Variants in EPG5 observed in about 807,000 individuals in gnomAD.
The protein encoded by EPG5 is ectopic P granules protein 5 homolog.
In EPG5, 159 loss-of-function variants were observed where a neutral mutation model predicts 302.7. The observed-to-expected ratio is 0.53, with a 90% CI of 0.46 to 0.60. The LOEUF is 0.60. Among genes scored for constraint, EPG5 ranks in the 20% least tolerant of loss-of-function variants. The pLI is 0.00. For synonymous variants in EPG5, 1,158 were observed against 1,136.8 expected, an observed-to-expected ratio of 1.02 and a Z score of -0.37; for missense variants, 2,896 against 3,092.4, an observed-to-expected ratio of 0.94 and a Z score of 1.51.
intron 41 of EPG5, among the ~76,000 whole-genome samples, 176 bp from the exon 42 acceptor site, chr18:45,858,244 C>G (rs533384238): frequency 1.3e-5 from 2 of 152,186 alleles, no homozygotes; most frequent in African/African-American, 2.4e-5. Flanking sequence ...TGTGGAACAC[C>G]TACTACACGC....
chr18:45,842,170 A>G, the EPG5 span: 1 of 1,614,166 alleles, frequency 6.2e-7, no homozygotes, highest in East Asian at 2.2e-5. Context: ...CCCACCAGCC[A>G]CCATGTGCTC....
intron 16 of EPG5, among the ~76,000 whole-genome samples, chr18:45,918,666 T>TC (rs1274834663): frequency 6.6e-6 from 1 of 152,124 alleles, no homozygotes; most frequent in Non-Finnish European, 1.5e-5. Context: ...TTTAGAAAAA[T>TC]CCTTTCAATT....
chr18:45,944,861 T>C (rs2050752590), intron 7 of EPG5, among the ~76,000 whole-genome samples: 1 of 152,218 alleles, frequency 6.6e-6, no homozygotes, highest in African/African-American at 2.4e-5. Context: ...GACGAAGCAA[T>C]TGACATTTGC....
intron 2 of EPG5, chr18:45,953,676 C>A (rs1479832341): frequency 1.0e-6 from 1 of 985,214 alleles, no homozygotes; most frequent in African/African-American, 1.7e-5. Context: ...GACGTCTCCC[C>A]CTTCCTTTGG....
chr18:45,871,860 G>A (rs1220639427), intron 35 of EPG5, among the ~76,000 whole-genome samples: 1 of 152,074 alleles, frequency 6.6e-6, no homozygotes, highest in African/African-American at 2.4e-5. Context: ...TAGGTTTCAG[G>A]ATCTATTGTA....
chr18:45,853,134 G>A (rs1478622177), intron 43 of EPG5, among the ~76,000 whole-genome samples: 1 of 152,212 alleles, frequency 6.6e-6, no homozygotes, highest in African/African-American at 2.4e-5. Context: ...CTGCTGTTGG[G>A]TATGTTCCTA....
intron 5 of EPG5, among the ~76,000 whole-genome samples, 160 bp from the exon 6 acceptor site, chr18:45,948,736 T>C (rs2050841428): frequency 6.6e-6 from 1 of 152,202 alleles, no homozygotes; most frequent in Admixed American, 6.6e-5. Flanking sequence ...GGTTACCTGG[T>C]GGCACTGAGT....
intron 1 of EPG5, among the ~76,000 whole-genome samples, chr18:45,961,516 T>C (rs961422189): frequency 6.6e-6 from 1 of 152,104 alleles, no homozygotes; most frequent in Non-Finnish European, 1.5e-5. Context: ...AATATCCACA[T>C]AGTGAACTCT....
At chr18:45,889,457 GCACTATATCATCT>G (rs1221764933) in intron 28 of EPG5, among the ~76,000 whole-genome samples, 1 of 152,150 alleles carries the variant, frequency 6.6e-6, no homozygotes, top group Non-Finnish European at 1.5e-5. Flanking sequence ...GAATTTCAAT[GCACTATATCATCT>G]CACAATTCAG....
At chr18:45,880,502 C>T (rs1303382330) in intron 31 of EPG5, among the ~76,000 whole-genome samples, 2 of 152,140 alleles carry the variant, frequency 1.3e-5, no homozygotes, top group Non-Finnish European at 2.9e-5. Context: ...AGACCTGACC[C>T]TCCGACCCTG....
chr18:45,876,107 C>T (rs2145363219), intron 35 of EPG5, 129 bp downstream of exon 35: 1 of 623,924 alleles, frequency 1.6e-6, no homozygotes, highest in Admixed American at 2.9e-5. Context: ...ATAATTGTAT[C>T]AGCGACTTTT....
the EPG5 span, chr18:45,838,930 T>G: frequency 6.2e-7 from 1 of 1,604,490 alleles, no homozygotes; most frequent in Non-Finnish European, 8.5e-7. Context: ...CCGCTACACG[T>G]GTACGGCCGC....
At chr18:45,890,248 G>T in intron 27 of EPG5, 1 of 207,092 alleles carries the variant, frequency 4.8e-6, no homozygotes, top group Non-Finnish European at 9.7e-6. Context: ...CTCCCCAGCC[G>T]TAGCCCTTCT....
Position 45,855,463 on chromosome 18 carries a change from T to TACCACC in EPG5, c.7557+104_7557+109dup, listed in dbSNP as rs1192467265. The TACCACC allele has an allele frequency of 5.6e-6, 4 of 712,680 alleles. No individual in the cohort carries two copies. In the African/African-American group the frequency reaches 7.0e-5, roughly 13 times the overall value. The allele number at this position is 712,680 out of a possible 1,614,324, so 44.1% of individuals were successfully genotyped here. Reference sequence around the variant, plus strand: ...GGGCACATGAAAGGGAACACTGTGCTACCACCACAGAGCATCATGTCATGA... The same window carrying TACCACC: ...GGGCACATGAAAGGGAACACTGTGCTACCACCACCACCACAGAGCATCATGTCATGA... On this transcript the variant is annotated intron_variant, in intron 43 of 43. Transcript: ENST00000282041.
At position 45,925,796 on chromosome 18, in the gene EPG5, A is replaced by G. The variant is rs1315532287; in HGVS notation, c.2660T>C (p.Val887Ala). 2 of 1,573,868 alleles carry G rather than the reference A, an allele frequency of 1.3e-6. No homozygotes were observed. Among genetic ancestry groups the G allele is most frequent in the East Asian group, 2.3e-5 (1 of 42,752 alleles). ...DWLLNYNLTV[V>A]KNKLACVILE... ...AATAACACAGGCCAGTTTATTCTTC[A>G]CCACTGTCAGGTTGTAATTCAATAA... The change falls in exon 14 of 44, where the codon GTG becomes GCG. Residue 887 changes from valine (V) to alanine (A), a missense_variant. Around this residue, in one of 5 missense-constraint regions of EPG5, gnomAD observed 1,390 missense variants for 1,430.0 expected, o/e 0.97. Transcript: ENST00000282041.
At chr18:45,829,822 T>C in the EPG5 span, among the ~76,000 whole-genome samples, 1 of 152,124 alleles carries the variant, frequency 6.6e-6, no homozygotes, top group Non-Finnish European at 1.5e-5. Flanking sequence ...AGGCGTGGTC[T>C]TCCTATGGTG....
intron 1 of EPG5, among the ~76,000 whole-genome samples, chr18:45,964,433 A>C (rs535357542): frequency 5.9e-4 from 90 of 152,312 alleles, no homozygotes; most frequent in African/African-American, 2.1e-3. Context: ...AAAACTAGAG[A>C]TTAAGACTTA....
the EPG5 span, chr18:45,840,133 G>A: frequency 9.8e-6 from 15 of 1,525,570 alleles, no homozygotes; most frequent in African/African-American, 1.4e-5. Context: ...CCTTCCACAT[G>A]GCATGGGTGG....
intron 1 of EPG5, among the ~76,000 whole-genome samples, chr18:45,959,378 G>A (rs775626920): frequency 3.9e-5 from 6 of 151,912 alleles, no homozygotes; most frequent in African/African-American, 9.7e-5. Flanking sequence ...AGGCATGGGC[G>A]GCTCACACCT....
Sources: gnomAD v4.1 joint callset for allele counts (sites outside exome capture counted in the v4.1 genomes callset) on GRCh38, gnomAD v4.1.1 for gene constraint, gnomAD v4.1.1 regional missense constraint, MANE v1.5 for transcripts, NCBI Gene and HGNC (gene_info 2026-07-23, HGNC 2026-07-21) for gene names.